The following DMD variants were observed in gnomAD, a reference collection of about 807,000 sequenced individuals.
DMD encodes the protein dystrophin, also known as mutant dystrophin.
DMD carries 63 observed loss-of-function variants against 330.1 expected under a neutral mutation model. That is an observed-to-expected ratio of 0.19 (90% CI 0.16 to 0.24). The LOEUF is 0.24. Ranked by LOEUF, DMD falls within the 10% of genes least tolerant of loss-of-function variation. The probability of loss-of-function intolerance (pLI) is 1.00; values close to 1 mark genes in which losing one functional copy is unlikely to be tolerated. For synonymous variants in DMD, 1,223 were observed against 959.8 expected (o/e 1.27, Z -5.07); for missense variants, 3,344 against 2,684.1 (o/e 1.25, Z -5.43).
intron 6 of DMD, among the ~76,000 whole-genome samples, chrX:32,814,813 T>A (rs151310228): frequency 1.1e-3 from 120 of 111,527 alleles, no homozygotes; most frequent in African/African-American, 3.8e-3. Flanking sequence ...GCTTGCAGGA[T>A]TGAAGTCTTC....
In DMD at chrX:31,666,393, G is replaced by T. The variant is rs544281968; in HGVS notation, c.7873-8249C>A. ...ATACCATCAGCCATGGTCCCCGAGT[G>T]ACTAAGCTAAGTAGAATGCTCTCAT... On this transcript the variant is annotated intron_variant, in intron 53 of 78. Transcript: ENST00000357033. Among the ~76,000 whole-genome samples the T allele has an allele frequency of 4.5e-5, 5 of 111,851 alleles. No individual in the cohort carries two copies. The South Asian group carries it at 1.9e-3, about 42-fold the overall frequency.
At chrX:32,732,959 C>T (rs760537799) in intron 7 of DMD, among the ~76,000 whole-genome samples, 1 of 111,306 alleles carries the variant, frequency 9.0e-6, no homozygotes. Context: ...CTAAAAGACA[C>T]AGACTGGCAA....
chrX:31,718,815 T>G (rs1267770336), intron 52 of DMD, among the ~76,000 whole-genome samples: 1 of 111,945 alleles, frequency 8.9e-6, no homozygotes, highest in East Asian at 2.8e-4. Context: ...ATTTGTATAG[T>G]GAGTAGCCAT....
At chrX:33,201,476 G>A (rs1215153046) in intron 1 of DMD, among the ~76,000 whole-genome samples, 1 of 110,841 alleles carries the variant, frequency 9.0e-6, no homozygotes, top group Non-Finnish European at 1.9e-5. Flanking sequence ...CAATGTTGAC[G>A]TTATCGTACA....
intron 11 of DMD, among the ~76,000 whole-genome samples, chrX:32,620,384 T>A (rs1477093803): frequency 8.9e-6 from 1 of 112,023 alleles, no homozygotes; most frequent in African/African-American, 3.2e-5. Context: ...GGGGTTGTTA[T>A]CAGAGCTTTC....
intron 7 of DMD, among the ~76,000 whole-genome samples, chrX:32,779,019 C>T (rs745947804): frequency 2.2e-4 from 24 of 111,402 alleles, no homozygotes; most frequent in African/African-American, 7.2e-4. Context: ...ACTTTGTCTC[C>T]GATATACTCT....
intron 60 of DMD, among the ~76,000 whole-genome samples, chrX:31,419,887 G>A (rs1470167418): frequency 9.0e-6 from 1 of 111,720 alleles, no homozygotes; most frequent in Non-Finnish European, 1.9e-5. Context: ...TGGGGAGCAA[G>A]GTGTGATACG....
intron 76 of DMD, among the ~76,000 whole-genome samples, chrX:31,145,661 T>A (rs2036593703): frequency 9.7e-6 from 1 of 103,146 alleles, no homozygotes; most frequent in African/African-American, 3.9e-5. Flanking sequence ...CTGGGAACTC[T>A]ATTTTTTTTT....
At chrX:32,776,852 TAATTA>T (rs2074204707) in intron 7 of DMD, among the ~76,000 whole-genome samples, 2 of 111,904 alleles carry the variant, frequency 1.8e-5, no homozygotes, top group South Asian at 7.4e-4. Flanking sequence ...CTCAAATGCT[TAATTA>T]ATTAAACAAA....
intron 7 of DMD, among the ~76,000 whole-genome samples, chrX:32,701,126 G>A (rs1183537191): frequency 2.7e-5 from 3 of 112,015 alleles, no homozygotes; most frequent in African/African-American, 6.5e-5. Context: ...ATAGATCGGG[G>A]TAGAGCCTGG....
chrX:31,749,971 G>A (rs1169657025), intron 51 of DMD, among the ~76,000 whole-genome samples: 6 of 107,466 alleles, frequency 5.6e-5, no homozygotes, highest in South Asian at 4.2e-4. Flanking sequence ...CATGTCCTTC[G>A]CCCACTTTTG....
chrX:31,214,128 C>T (rs1349003182), intron 64 of DMD, among the ~76,000 whole-genome samples: 1 of 112,117 alleles, frequency 8.9e-6, no homozygotes, highest in Non-Finnish European at 1.9e-5. Flanking sequence ...CAGGTGGAGT[C>T]CCAACCAAAA....
At chrX:32,624,270 G>A (rs760009393) in intron 11 of DMD, among the ~76,000 whole-genome samples, 149 of 111,706 alleles carry the variant, frequency 1.3e-3, no homozygotes, top group African/African-American at 4.6e-3. Flanking sequence ...AGAGCCGAGG[G>A]AGTGGAATTA....
chrX:31,230,186 A>T (rs924307058), intron 63 of DMD, among the ~76,000 whole-genome samples: 5 of 112,279 alleles, frequency 4.5e-5, no homozygotes, highest in Admixed American at 1.9e-4. Flanking sequence ...GCTTTACTTA[A>T]ATGGGGGAAA....
At chrX:32,654,840 G>GAT (rs1244795791) in intron 9 of DMD, among the ~76,000 whole-genome samples, 2 of 111,259 alleles carry the variant, frequency 1.8e-5, no homozygotes, top group African/African-American at 6.6e-5. Flanking sequence ...CCTGTTATTG[G>GAT]TCTATTCAGG....
At chrX:32,552,484 A>C (rs1387153831) in intron 16 of DMD, among the ~76,000 whole-genome samples, 1 of 112,021 alleles carries the variant, frequency 8.9e-6, no homozygotes, top group Admixed American at 9.5e-5. Flanking sequence ...AAGATAACCC[A>C]GGTAATGCCA....
At chrX:32,808,209 G>A (rs2077097154) in intron 7 of DMD, among the ~76,000 whole-genome samples, 1 of 111,685 alleles carries the variant, frequency 9.0e-6, no homozygotes, top group Admixed American at 9.5e-5. Context: ...GCAATAAAAA[G>A]GGGTTACAGT....
In DMD at chrX:31,449,817, A is replaced by AAATAGAT. The variant is rs2065595196; in HGVS notation, c.8938-5191_8938-5190insATCTATT. On this transcript the variant is annotated intron_variant, in intron 59 of 78. Coordinates refer to ENST00000357033, the MANE Select transcript of DMD (RefSeq NM_004006.3). ...ATATATAGATAGATAGATAGATAGA[A>AAATAGAT]ATCTGGCTATATATATATAAATATA... Among the ~76,000 whole-genome samples, 8 of 83,239 alleles carry AAATAGAT rather than the reference A, an allele frequency of 9.6e-5. No individual in the cohort carries two copies. The East Asian group carries it at 3.1e-3, about 32-fold the overall frequency. 72.3% of individuals were successfully genotyped at this position (83,239 alleles called of 115,157 possible).
At chrX:32,197,864 A>G (rs1403062428) in intron 44 of DMD, among the ~76,000 whole-genome samples, 1 of 111,418 alleles carries the variant, frequency 9.0e-6, no homozygotes, top group Non-Finnish European at 1.9e-5. Context: ...CGACTCTCTT[A>G]GTAATTTTCG....
Sources: gnomAD v4.1 joint callset for allele counts (sites outside exome capture counted in the v4.1 genomes callset) on GRCh38, gnomAD v4.1.1 for gene constraint, MANE v1.5 for transcripts, NCBI Gene and HGNC (gene_info 2026-07-23, HGNC 2026-07-21) for gene names.